SEC24D: variants seen among roughly 807,000 people sequenced by gnomAD.
SEC24D encodes the protein SEC24 homolog D, COPII component.
A neutral mutation model predicts 116.9 loss-of-function variants in SEC24D; 69 were observed. The ratio of observed to expected loss-of-function variants is 0.59; its 90% CI spans 0.49 to 0.72. The LOEUF is 0.72. Ranked by LOEUF, SEC24D falls within the 30% of genes least tolerant of loss-of-function variation. The probability of loss-of-function intolerance (pLI) is 0.00; values close to 1 mark genes in which losing one functional copy is unlikely to be tolerated. For synonymous variants in SEC24D, 405 were observed against 442.8 expected (o/e 0.91, Z 1.07); for missense variants, 1,131 against 1,264.1 (o/e 0.89, Z 1.60).
At chr4:118,728,711 T>C (rs1578372147) in intron 21 of SEC24D, 61 bp from the exon 22 acceptor site, 2 of 995,266 alleles carry the variant, frequency 2.0e-6, no homozygotes, top group Admixed American at 4.3e-5. Flanking sequence ...GAAGTAGCAA[T>C]ATGAGATTAT....
chr4:118,777,638 G>A (rs1326402576), intron 8 of SEC24D, among the ~76,000 whole-genome samples: 1 of 152,162 alleles, frequency 6.6e-6, no homozygotes, highest in Admixed American at 6.5e-5. Context: ...TAATGGGATT[G>A]CTGGGTCAAA....
chr4:118,800,928 C>A (rs1729405740), intron 7 of SEC24D, among the ~76,000 whole-genome samples: 1 of 152,018 alleles, frequency 6.6e-6, no homozygotes, highest in South Asian at 2.1e-4. Flanking sequence ...TTGAGACCAA[C>A]CCTGTCTGCC....
intron 2 of SEC24D, among the ~76,000 whole-genome samples, chr4:118,833,108 C>G (rs1455685749): frequency 6.6e-6 from 1 of 152,150 alleles, no homozygotes; most frequent in Non-Finnish European, 1.5e-5. Context: ...TCCCAGATAT[C>G]TAAGCTAGTT....
At chr4:118,785,319 T>G (rs1728623335) in intron 8 of SEC24D, among the ~76,000 whole-genome samples, 1 of 152,184 alleles carries the variant, frequency 6.6e-6, no homozygotes, top group South Asian at 2.1e-4. Flanking sequence ...AAATATTATT[T>G]AGCTAAAAAT....
At chr4:118,829,867 A>C (rs915376379) in intron 2 of SEC24D, among the ~76,000 whole-genome samples, 2 of 152,216 alleles carry the variant, frequency 1.3e-5, no homozygotes, top group Non-Finnish European at 2.9e-5. Flanking sequence ...ACAATGAATA[A>C]GCATAAATGG....
intron 2 of SEC24D, among the ~76,000 whole-genome samples, chr4:118,832,279 A>G (rs931400246): frequency 6.6e-6 from 1 of 152,164 alleles, no homozygotes; most frequent in Non-Finnish European, 1.5e-5. Flanking sequence ...CCAAAGGAGA[A>G]AAGAGTTTTG....
intron 11 of SEC24D, among the ~76,000 whole-genome samples, chr4:118,755,248 CAT>C: frequency 6.6e-6 from 1 of 152,064 alleles, no homozygotes; most frequent in East Asian, 1.9e-4. Context: ...TAATTCTAGA[CAT>C]GTTTTGTGAA....
chr4:118,756,150 G>A (rs1727082022), intron 11 of SEC24D, among the ~76,000 whole-genome samples: 1 of 152,034 alleles, frequency 6.6e-6, no homozygotes, highest in South Asian at 2.1e-4. Context: ...AGCAATTAGA[G>A]TAGTTTTCTT....
At chr4:118,812,347 G>A (rs1453395936) in intron 6 of SEC24D, among the ~76,000 whole-genome samples, 1 of 152,098 alleles carries the variant, frequency 6.6e-6, no homozygotes, top group Non-Finnish European at 1.5e-5. Flanking sequence ...CTACCCCCAT[G>A]GACCTAGGTG....
intron 8 of SEC24D, among the ~76,000 whole-genome samples, chr4:118,782,101 C>T (rs1380052497): frequency 6.6e-6 from 1 of 152,234 alleles, no homozygotes; most frequent in Non-Finnish European, 1.5e-5. Flanking sequence ...TCGTCAAAGT[C>T]ATTCTCCATC....
At position 118,815,352 on chromosome 4, in the gene SEC24D, T is replaced by G; in HGVS notation, c.673+99A>C. 3 of 1,459,718 alleles carry G rather than the reference T, an allele frequency of 2.1e-6. No individual in the cohort carries two copies. In the South Asian group the frequency reaches 3.8e-5, roughly 19 times the overall value. The allele number at this position is 1,459,718 out of a possible 1,614,324, so 90.4% of individuals were successfully genotyped here. A position where few individuals can be genotyped will look rare whatever the true frequency, so the allele number is the denominator to read the frequency against. On this transcript the variant is annotated intron_variant, in intron 5 of 22. Transcript: ENST00000280551. ...TTCAAAAACTACCATTTCTTAAAAG[T>G]AAGTGACAGATACCTAGTAACATAG...
At chr4:118,814,428 A>G (rs1342944726) in intron 6 of SEC24D, among the ~76,000 whole-genome samples, 3 of 152,238 alleles carry the variant, frequency 2.0e-5, no homozygotes, top group Non-Finnish European at 4.4e-5. Flanking sequence ...CACAGCCTAC[A>G]TGTAAACTGA....
intron 2 of SEC24D, among the ~76,000 whole-genome samples, chr4:118,824,981 C>G (rs1224515350): frequency 1.3e-5 from 2 of 152,154 alleles, no homozygotes; most frequent in Non-Finnish European, 2.9e-5. Flanking sequence ...CATTTTATCA[C>G]TAAACAGAAA....
Position 118,764,865 on chromosome 4 carries a change from G to A in SEC24D, c.1233C>T (p.His411=). 1 of 1,611,614 alleles carries A rather than the reference G, an allele frequency of 6.2e-7. No individual in the cohort carries two copies. The highest frequency in any genetic ancestry group is 8.5e-7 in the Non-Finnish European group (1 of 1,177,988). Residue 411 remains histidine (H), a synonymous_variant, in exon 10 of 23, where the codon CAC becomes CAT. Coordinates refer to ENST00000280551, the MANE Select transcript of SEC24D (RefSeq NM_014822.4). The stretch of plus-strand genomic sequence containing the variant: ...CTAGAGATAACTCTGGTTTCTCATA[G>A]TGGTCCAGTCTTCTTCCAATGTGGT... ...HLDHIGRRLD[H]YEKPELSLGS...
intron 17 of SEC24D, among the ~76,000 whole-genome samples, chr4:118,739,856 T>C (rs1045112324): frequency 2.0e-5 from 3 of 152,210 alleles, no homozygotes; most frequent in Admixed American, 1.3e-4. Context: ...ACTATGACCA[T>C]GTATATCTAG....
At chr4:118,747,143 T>TA (rs1726574743) in intron 13 of SEC24D, among the ~76,000 whole-genome samples, 1 of 151,986 alleles carries the variant, frequency 6.6e-6, no homozygotes, top group Non-Finnish European at 1.5e-5. Context: ...TTTTGGCCAG[T>TA]AAAGACACAT....
chr4:118,804,604 T>G (rs1019950136), intron 7 of SEC24D, among the ~76,000 whole-genome samples: 1 of 151,922 alleles, frequency 6.6e-6, no homozygotes, highest in African/African-American at 2.4e-5. Flanking sequence ...AATCAACAAT[T>G]TCATATACCT....
intron 18 of SEC24D, 75 bp downstream of exon 18, chr4:118,739,074 C>CT: frequency 6.7e-7 from 1 of 1,490,644 alleles, no homozygotes; most frequent in African/African-American, 1.4e-5. Context: ...AACTACAGTG[C>CT]TTTTTAGCTA....
At chr4:118,799,380 G>A (rs1343060872) in intron 7 of SEC24D, among the ~76,000 whole-genome samples, 2 of 152,086 alleles carry the variant, frequency 1.3e-5, no homozygotes, top group African/African-American at 4.8e-5. Flanking sequence ...ATCTAGTCAG[G>A]GACATGTCCA....
Sources: gnomAD v4.1 joint callset for allele counts (sites outside exome capture counted in the v4.1 genomes callset) on GRCh38, gnomAD v4.1.1 for gene constraint, MANE v1.5 for transcripts, NCBI Gene and HGNC (gene_info 2026-07-23, HGNC 2026-07-21) for gene names.